Variants in TTC6 observed in about 807,000 individuals in gnomAD.
TTC6 encodes the protein tetratricopeptide repeat protein 6.
TTC6 carries 172 observed loss-of-function variants against 210.4 expected under a neutral mutation model. The observed-to-expected ratio is 0.82, with a 90% confidence interval of 0.72 to 0.93. The LOEUF (loss-of-function observed/expected upper bound fraction) is 0.93, where lower values mean the gene tolerates loss of function less well. Among genes scored for constraint, TTC6 ranks in the 40% least tolerant of loss-of-function variants. The probability of loss-of-function intolerance (pLI) is 0.00; values close to 1 mark genes in which losing one functional copy is unlikely to be tolerated. For missense variants in TTC6, 2,414 were observed against 2,318.1 expected, an observed-to-expected ratio of 1.04 and a Z score of -0.85; for synonymous variants, 804 against 819.6, an observed-to-expected ratio of 0.98 and a Z score of 0.32.
intron 14 of TTC6, among the ~76,000 whole-genome samples, chr14:37,754,820 G>T (rs2095962735): frequency 6.6e-6 from 1 of 152,148 alleles, no homozygotes; most frequent in South Asian, 2.1e-4. Flanking sequence ...ATGGGCATTT[G>T]GGTTGGTTCC....
intron 7 of TTC6, among the ~76,000 whole-genome samples, chr14:37,734,495 C>CT (rs1377065187): frequency 3.3e-5 from 5 of 152,122 alleles, no homozygotes; most frequent in African/African-American, 4.8e-5. Flanking sequence ...TTTGGCTCGT[C>CT]TTTTCATCTT....
Position 37,664,653 on chromosome 14 carries a change from G to T in TTC6, c.940-15498G>T, listed in dbSNP as rs1302669224. 3.3e-5 allele frequency among the ~76,000 whole-genome samples: 5 copies of T among 150,710 alleles called. 1 individual carries two copies. In the South Asian group the frequency reaches 1.1e-3, roughly 32 times the overall value. ...AACAAAAGCAAACATTGACAAATGGGATCTAATTAAACTAAACAGCTATTC... is the reference window on the plus strand; with the variant it reads ...AACAAAAGCAAACATTGACAAATGGTATCTAATTAAACTAAACAGCTATTC... On this transcript the variant is annotated intron_variant, in intron 1 of 30. Coordinates refer to ENST00000553443, the Ensembl canonical transcript of TTC6.
upstream of TTC6, among the ~76,000 whole-genome samples, chr14:37,617,236 G>C (rs1379200486): frequency 6.6e-6 from 1 of 152,136 alleles, no homozygotes; most frequent in Admixed American, 6.6e-5. Context: ...AGTGAAGATA[G>C]AAAGTGGGGA....
intron 2 of TTC6, among the ~76,000 whole-genome samples, chr14:37,616,645 G>A (rs904347274): frequency 2.0e-5 from 3 of 150,058 alleles, no homozygotes; most frequent in African/African-American, 4.9e-5. Flanking sequence ...TGCGGTGAGC[G>A]AAGATCGCGC....
intron 26 of TTC6, among the ~76,000 whole-genome samples, 198 bp from the exon 29 acceptor site, chr14:37,823,549 A>G (rs1326193224): frequency 6.6e-6 from 1 of 152,088 alleles, no homozygotes; most frequent in East Asian, 1.9e-4. Context: ...CCTTTTACCA[A>G]AATCTTCGAA....
intron 29 of TTC6, among the ~76,000 whole-genome samples, chr14:37,835,490 GC>G (rs2096195689): frequency 6.6e-6 from 1 of 152,112 alleles, no homozygotes; most frequent in South Asian, 2.1e-4. Flanking sequence ...TGCAGATGTG[GC>G]CCTTGATGGG....
Position 37,787,457 on chromosome 14 carries a change from T to C in TTC6, c.3267-11T>C. On this transcript the variant is annotated splice_polypyrimidine_tract_variant and intron_variant, in intron 14 of 30. Transcript: ENST00000553443. ...TTACAGTACTTGTTAAAACAAACTT[T>C]TTTTTCCTAGGACATACCGAGGGAT... 21 of 1,487,898 alleles carry C rather than the reference T, an allele frequency of 1.4e-5. No individual in the cohort carries two copies. The highest frequency in any genetic ancestry group is 1.9e-5 in the Non-Finnish European group (21 of 1,118,044). The allele number at this position is 1,487,898 out of a possible 1,614,324, so 92.2% of individuals were successfully genotyped here. A position where few individuals can be genotyped will look rare whatever the true frequency, so the allele number is the denominator to read the frequency against.
intron 1 of TTC6, among the ~76,000 whole-genome samples, chr14:37,631,267 C>A (rs1327025640): frequency 2.0e-5 from 3 of 152,050 alleles, no homozygotes; most frequent in Non-Finnish European, 4.4e-5. Flanking sequence ...CCTTTCCATA[C>A]TAAGTGCTTC....
chr14:37,622,278 A>G (rs1470258905), exon 1 of TTC6: 1 of 1,534,834 alleles, frequency 6.5e-7, no homozygotes, highest in Non-Finnish European at 8.7e-7. Flanking sequence ...CGCAGCCCGG[A>G]CGTCGAGAAG....
chr14:37,826,444 C>A, intron 28 of TTC6, 97 bp downstream of exon 30: 1 of 1,033,692 alleles, frequency 9.7e-7, no homozygotes, highest in Non-Finnish European at 1.3e-6. Flanking sequence ...TTTAAAGTGA[C>A]TTATGGAGAA....
chr14:37,818,023 A>C (rs775617538), intron 26 of TTC6, among the ~76,000 whole-genome samples: 3 of 152,204 alleles, frequency 2.0e-5, no homozygotes, highest in Non-Finnish European at 2.9e-5. Context: ...TTTTGTTCAT[A>C]AAGTGGGACT....
At chr14:37,659,813 G>A (rs911419327) in intron 1 of TTC6, among the ~76,000 whole-genome samples, 1 of 152,222 alleles carries the variant, frequency 6.6e-6, no homozygotes, top group Middle Eastern at 3.4e-3. Flanking sequence ...GACCCACCGC[G>A]CTTGGCCTTC....
chr14:37,637,879 T>C (rs997467168), intron 1 of TTC6, among the ~76,000 whole-genome samples: 1 of 152,196 alleles, frequency 6.6e-6, no homozygotes, highest in Admixed American at 6.5e-5. Flanking sequence ...CATACGTTGT[T>C]GGTAGGAATA....
At chr14:37,759,287 A>G (rs2095977119) in intron 14 of TTC6, among the ~76,000 whole-genome samples, 1 of 152,000 alleles carries the variant, frequency 6.6e-6, no homozygotes, top group African/African-American at 2.4e-5. Flanking sequence ...AAAAAAAGAA[A>G]AAAAAGAAAG....
In TTC6 at chr14:37,758,998, T is replaced by C. The variant is rs984156631; in HGVS notation, c.3266+5763T>C. 1.6e-4 allele frequency among the ~76,000 whole-genome samples: 25 copies of C among 151,928 alleles called. No individual in the cohort carries two copies. The East Asian group carries it at 4.7e-3, about 28-fold the overall frequency. On this transcript the variant is annotated intron_variant, in intron 14 of 30. Transcript: ENST00000553443. Reference sequence around the variant, plus strand: ...GGGTTGCAAATTCTTTTCTGCTGGGTGTGGTGGCTCACGCCTGTAATCCCA... The same window carrying C: ...GGGTTGCAAATTCTTTTCTGCTGGGCGTGGTGGCTCACGCCTGTAATCCCA...
chr14:37,661,130 G>A (rs955973183), intron 1 of TTC6, among the ~76,000 whole-genome samples: 2 of 152,180 alleles, frequency 1.3e-5, no homozygotes, highest in Admixed American at 6.5e-5. Context: ...CTCCCACTCT[G>A]TAGGTTGCCT....
At chr14:37,817,716 C>A in intron 26 of TTC6, 65 bp downstream of exon 28, 1 of 1,467,048 alleles carries the variant, frequency 6.8e-7, no homozygotes. Flanking sequence ...TAATTATCAC[C>A]CCATAAACAA....
At chr14:37,755,994 G>C (rs896105127) in intron 14 of TTC6, among the ~76,000 whole-genome samples, 18 of 152,268 alleles carry the variant, frequency 1.2e-4, no homozygotes, top group East Asian at 1.9e-4. Context: ...AGCATGGAAT[G>C]TTTTGCCATT....
intron 1 of TTC6, among the ~76,000 whole-genome samples, chr14:37,629,706 C>T (rs8017925): frequency 6.6e-6 from 1 of 152,234 alleles, no homozygotes; most frequent in South Asian, 2.1e-4. Context: ...GGAATGCTTC[C>T]AGCTTTTGCC....
Sources: allele counts gnomAD v4.1 joint callset (sites outside exome capture counted in the v4.1 genomes callset), GRCh38; gene constraint gnomAD v4.1.1; transcripts MANE v1.5; gene names NCBI Gene and HGNC (gene_info 2026-07-23, HGNC 2026-07-21).